Variants in TMEFF1 observed in about 807,000 individuals in gnomAD.
The protein encoded by TMEFF1 is tomoregulin-1.
A neutral mutation model predicts 47.5 loss-of-function variants in TMEFF1; 20 were observed. The ratio of observed to expected loss-of-function variants is 0.42; its 90% confidence interval spans 0.30 to 0.61. The LOEUF (loss-of-function observed/expected upper bound fraction) is 0.61, where lower values mean the gene tolerates loss of function less well. TMEFF1 is among the 20% of genes least tolerant of loss of function. The pLI, the probability that TMEFF1 is intolerant of heterozygous loss-of-function variation, is 0.19. For missense variants in TMEFF1, 411 were observed against 471.1 expected (o/e 0.87, Z 1.18); for synonymous variants, 162 against 166.3 (o/e 0.97, Z 0.20).
chr9:100,505,410 C>CAAAAAAAA (rs60312984), intron 2 of TMEFF1, among the ~76,000 whole-genome samples: 22 of 26,448 alleles, frequency 8.3e-4, no homozygotes, highest in Non-Finnish European at 9.7e-4. Context: ...GACCCTGTCT[C>CAAAAAAAA]AAAAAAAAAA....
intron 1 of TMEFF1, among the ~76,000 whole-genome samples, chr9:100,479,837 C>G (rs929507924): frequency 1.3e-5 from 2 of 152,146 alleles, no homozygotes; most frequent in Non-Finnish European, 2.9e-5. Context: ...CATTCATGGA[C>G]AAGTTTTTTG....
intron 1 of TMEFF1, among the ~76,000 whole-genome samples, chr9:100,486,579 C>A (rs1407789343): frequency 6.6e-6 from 1 of 152,164 alleles, no homozygotes; most frequent in Non-Finnish European, 1.5e-5. Context: ...TTTTGCTTTG[C>A]ATTTTCTGTT....
At chr9:100,508,868 A>G in intron 2 of TMEFF1, 137 bp from the exon 3 acceptor site, 1 of 1,078,226 alleles carries the variant, frequency 9.3e-7, no homozygotes, top group Non-Finnish European at 1.2e-6. Flanking sequence ...ATTCTTTTTA[A>G]GCCAAAAAAA....
At chr9:100,565,767 G>GATATCAGTATATCTCATATAT (rs1839114523) in intron 8 of TMEFF1, among the ~76,000 whole-genome samples, 1 of 152,094 alleles carries the variant, frequency 6.6e-6, no homozygotes, top group African/African-American at 2.4e-5. Context: ...CATAGAACTT[G>GATATCAGTATATCTCATATAT]ATATCAGTAT....
intron 5 of TMEFF1, among the ~76,000 whole-genome samples, chr9:100,536,110 G>A (rs1838500472): frequency 6.6e-6 from 1 of 152,154 alleles, no homozygotes; most frequent in Non-Finnish European, 1.5e-5. Flanking sequence ...CTCAAATGTA[G>A]CAGTGTGTAT....
intron 5 of TMEFF1, among the ~76,000 whole-genome samples, chr9:100,536,031 T>C (rs1838497952): frequency 6.6e-6 from 1 of 152,222 alleles, no homozygotes; most frequent in African/African-American, 2.4e-5. Context: ...TTGGAGGGTA[T>C]TTTAACAACC....
intron 9 of TMEFF1, among the ~76,000 whole-genome samples, chr9:100,575,446 G>A (rs2118590477): frequency 6.6e-6 from 1 of 152,282 alleles, no homozygotes; most frequent in South Asian, 2.1e-4. Context: ...GTTAGTGACA[G>A]TACAAGAGGG....
chr9:100,548,533 G>A (rs567234437), intron 6 of TMEFF1, among the ~76,000 whole-genome samples: 1 of 152,202 alleles, frequency 6.6e-6, no homozygotes, highest in Admixed American at 6.5e-5. Flanking sequence ...TCTTTCCCCA[G>A]TAATATTCAG....
chr9:100,543,857 C>A (rs971223619), intron 5 of TMEFF1, among the ~76,000 whole-genome samples: 1 of 152,062 alleles, frequency 6.6e-6, no homozygotes, highest in Non-Finnish European at 1.5e-5. Flanking sequence ...TAGTCCTTGA[C>A]CCCTTAAAAT....
At chr9:100,491,789 A>G (rs945024085) in intron 1 of TMEFF1, among the ~76,000 whole-genome samples, 2 of 152,206 alleles carry the variant, frequency 1.3e-5, no homozygotes, top group Admixed American at 6.5e-5. Flanking sequence ...AAAATGATTC[A>G]TAAGTGCATG....
intron 5 of TMEFF1, among the ~76,000 whole-genome samples, chr9:100,522,324 A>G (rs1033310773): frequency 1.3e-5 from 2 of 152,110 alleles, no homozygotes; most frequent in Non-Finnish European, 2.9e-5. Context: ...TAATGGAAAA[A>G]TAATTTTGTG....
intron 6 of TMEFF1, 88 bp downstream of exon 6, chr9:100,547,980 G>A: frequency 7.7e-7 from 1 of 1,299,556 alleles, no homozygotes; most frequent in Non-Finnish European, 9.9e-7. Context: ...TTTCAAATTT[G>A]TAAAATGAGA....
Position 100,505,598 on chromosome 9 carries a change from G to A in TMEFF1, c.307-3407G>A, listed in dbSNP as rs187716281. Among the ~76,000 whole-genome samples the A allele has an allele frequency of 8.5e-5, 13 of 152,264 alleles. No individual in the cohort carries two copies. In the East Asian group the frequency reaches 2.3e-3, roughly 27 times the overall value. On this transcript the variant is annotated intron_variant, in intron 2 of 9. Transcript: ENST00000374879. ...GTCAAAATTCCTACATGAATAGCCA[G>A]AGAGACATTCAGAAGTTGTGTGGTA...
At chr9:100,541,575 C>A (rs575611472) in intron 5 of TMEFF1, among the ~76,000 whole-genome samples, 33 of 151,808 alleles carry the variant, frequency 2.2e-4, no homozygotes, top group African/African-American at 8.0e-4. Flanking sequence ...GGTTTCACTA[C>A]GTTGGCCAGG....
chr9:100,517,971 T>G (rs1246555688), intron 5 of TMEFF1, among the ~76,000 whole-genome samples: 1 of 152,238 alleles, frequency 6.6e-6, no homozygotes, highest in Non-Finnish European at 1.5e-5. Flanking sequence ...TCTGTATTAG[T>G]GTTCAGAGTC....
chr9:100,561,929 GGT>G (rs1304768121), intron 8 of TMEFF1, among the ~76,000 whole-genome samples: 1 of 152,128 alleles, frequency 6.6e-6, no homozygotes, highest in African/African-American at 2.4e-5. Flanking sequence ...CGAAGAACCA[GGT>G]GTGAATTGAG....
At chr9:100,545,967 C>T (rs1203039310) in intron 5 of TMEFF1, among the ~76,000 whole-genome samples, 1 of 152,150 alleles carries the variant, frequency 6.6e-6, no homozygotes, top group Non-Finnish European at 1.5e-5. Flanking sequence ...ATTGTTTGTG[C>T]CACTATCAGC....
intron 5 of TMEFF1, among the ~76,000 whole-genome samples, chr9:100,545,416 G>T (rs142880351): frequency 6.6e-6 from 1 of 152,256 alleles, no homozygotes; most frequent in East Asian, 1.9e-4. Flanking sequence ...GCTCTACATT[G>T]GTCCCTTTCA....
At chr9:100,545,371 G>A (rs7858106) in intron 5 of TMEFF1, among the ~76,000 whole-genome samples, 1,699 of 152,312 alleles carry the variant, frequency 0.011, 38 homozygotes, top group African/African-American at 0.039. Context: ...AGCTGCCAAG[G>A]CTTGGGGCTT....
Sources: gnomAD v4.1 joint callset for allele counts (sites outside exome capture counted in the v4.1 genomes callset) on GRCh38, gnomAD v4.1.1 for gene constraint, MANE v1.5 for transcripts, NCBI Gene and HGNC (gene_info 2026-07-23, HGNC 2026-07-21) for gene names.